AGBL1: variants seen among roughly 807,000 people sequenced by gnomAD.
The protein encoded by AGBL1 is AGBL carboxypeptidase 1, also known as cytosolic carboxypeptidase 4.
Under a neutral mutation model 118.9 loss-of-function variants are expected in AGBL1, and 130 were observed. The observed-to-expected ratio is 1.09, with a 90% confidence interval of 0.95 to 1.26. The LOEUF (loss-of-function observed/expected upper bound fraction) is 1.26. Among genes scored for constraint, AGBL1 ranks in the 50% most tolerant of loss-of-function variants. The pLI, the probability that AGBL1 is intolerant of heterozygous loss-of-function variation, is 0.00. For synonymous variants in AGBL1, 555 were observed against 478.9 expected, an observed-to-expected ratio of 1.16 and a Z score of -2.08; for missense variants, 1,584 against 1,298.1, an observed-to-expected ratio of 1.22 and a Z score of -3.38.
At chr15:86,522,748 T>G in intron 18 of AGBL1, 62 bp from the exon 19 acceptor site, 1 of 1,565,540 alleles carries the variant, frequency 6.4e-7, no homozygotes, top group Non-Finnish European at 8.7e-7. Context: ...TTGTGGAGCT[T>G]TATTTTCTCA....
intron 22 of AGBL1, among the ~76,000 whole-genome samples, chr15:86,872,028 T>C (rs2079736374): frequency 6.6e-6 from 1 of 152,196 alleles, no homozygotes; most frequent in Non-Finnish European, 1.5e-5. Context: ...GAGAAAATGC[T>C]TTAAGTGATG....
chr15:86,577,034 G>T (rs1312833594), intron 21 of AGBL1, among the ~76,000 whole-genome samples: 1 of 152,212 alleles, frequency 6.6e-6, no homozygotes, highest in African/African-American at 2.4e-5. Context: ...ACCCAAAAAT[G>T]TGGAAGTGAC....
At chr15:86,204,555 C>T (rs2077960378) in intron 5 of AGBL1, among the ~76,000 whole-genome samples, 1 of 147,146 alleles carries the variant, frequency 6.8e-6, no homozygotes, top group Non-Finnish European at 1.5e-5. Flanking sequence ...CTTCTCTTTG[C>T]TTGCTTGCTC....
At chr15:86,165,461 T>C (rs2077327604) in intron 5 of AGBL1, among the ~76,000 whole-genome samples, 1 of 152,074 alleles carries the variant, frequency 6.6e-6, no homozygotes, top group Admixed American at 6.6e-5. Context: ...TATCTGATCA[T>C]AGTAACTGAT....
At chr15:86,367,920 G>A (rs545831333) in intron 17 of AGBL1, among the ~76,000 whole-genome samples, 2 of 152,128 alleles carry the variant, frequency 1.3e-5, no homozygotes, top group Admixed American at 1.3e-4. Context: ...AGGAGACGTG[G>A]TAGCTAGCAT....
At chr15:86,764,761 T>A (rs574262528) in intron 22 of AGBL1, among the ~76,000 whole-genome samples, 1 of 152,214 alleles carries the variant, frequency 6.6e-6, no homozygotes, top group African/African-American at 2.4e-5. Context: ...CAACTTATTT[T>A]ATAACTACGA....
intron 23 of AGBL1, among the ~76,000 whole-genome samples, chr15:86,945,940 G>T (rs1386182558): frequency 6.6e-6 from 1 of 152,142 alleles, no homozygotes; most frequent in Non-Finnish European, 1.5e-5. Context: ...ACATTAAAGT[G>T]CCTTCATGTG....
intron 3 of AGBL1, among the ~76,000 whole-genome samples, chr15:86,149,773 A>G (rs541844223): frequency 2.3e-4 from 35 of 152,326 alleles, no homozygotes; most frequent in Admixed American, 3.9e-4. Context: ...TGCAGCAAGC[A>G]GACCTAATAG....
chr15:86,097,848 C>T (rs1430328371), intron 1 of AGBL1, among the ~76,000 whole-genome samples: 1 of 152,078 alleles, frequency 6.6e-6, no homozygotes, highest in Non-Finnish European at 1.5e-5. Context: ...GGTAGAATTG[C>T]TGGATCATAT....
At chr15:86,845,290 G>C (rs1363290932) in intron 22 of AGBL1, among the ~76,000 whole-genome samples, 1 of 152,020 alleles carries the variant, frequency 6.6e-6, no homozygotes, top group Non-Finnish European at 1.5e-5. Flanking sequence ...AATAAGGGTG[G>C]TTAATTTTGT....
intron 22 of AGBL1, among the ~76,000 whole-genome samples, chr15:86,896,689 C>T (rs561208573): frequency 9.2e-5 from 14 of 152,132 alleles, no homozygotes; most frequent in Admixed American, 7.2e-4. Flanking sequence ...TAAATTATTC[C>T]AATATGCATT....
At chr15:86,655,841 G>T (rs1246972461) in intron 21 of AGBL1, among the ~76,000 whole-genome samples, 1 of 152,180 alleles carries the variant, frequency 6.6e-6, no homozygotes, top group Non-Finnish European at 1.5e-5. Flanking sequence ...GGAAAGTCTA[G>T]CTATGGGCTT....
intron 6 of AGBL1, among the ~76,000 whole-genome samples, chr15:86,234,380 G>A (rs1247361176): frequency 5.3e-5 from 8 of 151,784 alleles, no homozygotes; most frequent in African/African-American, 1.2e-4. Flanking sequence ...GTGAAATCCC[G>A]TCTCTACTAA....
chr15:86,752,698 T>C (rs2077873524), intron 22 of AGBL1, among the ~76,000 whole-genome samples: 1 of 152,080 alleles, frequency 6.6e-6, no homozygotes, highest in Non-Finnish European at 1.5e-5. Flanking sequence ...GATGACAGCC[T>C]TCTCCCACCT....
chr15:86,908,661 T>C lies in AGBL1; in HGVS notation c.*1367T>C, dbSNP rs1254518010. 1 of 151,876 alleles carries C rather than the reference T, an allele frequency of 6.6e-6. No homozygotes were observed. The highest frequency in any genetic ancestry group is 2.4e-5 in the African/African-American group (1 of 41,272). 9.4% of individuals were successfully genotyped at this position (151,876 alleles called of 1,614,324 possible). On this transcript the variant is annotated 3_prime_UTR_variant, in exon 23 of 23. Coordinates refer to ENST00000614907, the MANE Select transcript of AGBL1 (RefSeq NM_001386094.1). ...TGGAATCACTTAAAACAGGTGAAAA[T>C]GGAGCAAGGCCTTTTAGCATTCGGA...
chr15:86,695,443 C>G (rs1172202016), intron 22 of AGBL1, among the ~76,000 whole-genome samples: 1 of 151,954 alleles, frequency 6.6e-6, no homozygotes, highest in Non-Finnish European at 1.5e-5. Context: ...TGTAATATCT[C>G]CCATTTCGTT....
At chr15:86,592,137 G>A (rs1248355619) in intron 21 of AGBL1, among the ~76,000 whole-genome samples, 1 of 152,190 alleles carries the variant, frequency 6.6e-6, no homozygotes, top group Non-Finnish European at 1.5e-5. Context: ...AGTGTTGTCT[G>A]CCAGGTTTCT....
intron 21 of AGBL1, among the ~76,000 whole-genome samples, chr15:86,632,528 A>G (rs1396851995): frequency 1.3e-5 from 2 of 152,168 alleles, no homozygotes; most frequent in Non-Finnish European, 2.9e-5. Context: ...AGACCACTCT[A>G]CTATTCAGGT....
intron 18 of AGBL1, among the ~76,000 whole-genome samples, chr15:86,428,420 A>G (rs2081893419): frequency 6.6e-6 from 1 of 152,226 alleles, no homozygotes; most frequent in African/African-American, 2.4e-5. Context: ...CTTCTTATTG[A>G]TAGTCCTATT....
Sources: allele counts gnomAD v4.1 joint callset (sites outside exome capture counted in the v4.1 genomes callset), GRCh38; gene constraint gnomAD v4.1.1; transcripts MANE v1.5; gene names NCBI Gene and HGNC (gene_info 2026-07-23, HGNC 2026-07-21).